The following EYA1 variants were observed in gnomAD, a reference collection of about 807,000 sequenced individuals.
The protein encoded by EYA1 is protein phosphatase EYA1.
A neutral mutation model predicts 82.0 loss-of-function variants in EYA1; 16 were observed. The observed-to-expected ratio is 0.20, with a 90% CI of 0.13 to 0.30. EYA1 has a LOEUF of 0.30. Ranked by LOEUF, EYA1 falls within the 10% of genes least tolerant of loss-of-function variation. The pLI is 1.00. For missense variants in EYA1, 633 were observed against 730.7 expected (o/e 0.87, Z 1.54); for synonymous variants, 261 against 264.4 (o/e 0.99, Z 0.12).
At chr8:71,275,118 T>C (rs1563379476) in intron 9 of EYA1, among the ~76,000 whole-genome samples, 1 of 152,222 alleles carries the variant, frequency 6.6e-6, no homozygotes, top group East Asian at 1.9e-4. Flanking sequence ...GGCAGGGTGC[T>C]GGAGAGGAGA....
At chr8:71,491,002 G>A (rs1433628136) in intron 2 of EYA1, among the ~76,000 whole-genome samples, 15 of 151,990 alleles carry the variant, frequency 9.9e-5, no homozygotes, top group African/African-American at 3.1e-4. Flanking sequence ...TCAAGTAACT[G>A]GTGAATGAAT....
At chr8:71,239,069 C>A (rs1336590657) in intron 12 of EYA1, among the ~76,000 whole-genome samples, 1 of 151,686 alleles carries the variant, frequency 6.6e-6, no homozygotes, top group East Asian at 1.9e-4. Flanking sequence ...TTTTTAACTT[C>A]AGATAAAATA....
At position 71,408,050 on chromosome 8, in the gene EYA1, A is replaced by G. The variant is rs1010080409; in HGVS notation, c.34-51539T>C. On this transcript the variant is annotated intron_variant, in intron 2 of 18. Coordinates refer to the EYA1 transcript ENST00000643681. ...CGGCAGAAACCCTACAAGCCAGAAG[A>G]GAGTGGGGGCCAATATTCAACATGC... is the stretch of plus-strand genomic sequence containing the variant. Among the ~76,000 whole-genome samples, 290 of 152,114 alleles carry G rather than the reference A, an allele frequency of 1.9e-3. 1 individual carries two copies. Among genetic ancestry groups the G allele is most frequent in the Non-Finnish European group, 3.2e-3 (215 of 67,996 alleles).
chr8:71,374,370 G>A lies in EYA1; in HGVS notation c.34-17859C>T, dbSNP rs183627677. The stretch of plus-strand genomic sequence containing the variant: ...AAACAGACATACAAATGGCCAACAT[G>A]TATATAAAAAGATAATCAACATCAC... On this transcript the variant is annotated intron_variant, in intron 2 of 18. Coordinates refer to the EYA1 transcript ENST00000643681. Among the ~76,000 whole-genome samples, 405 of 152,172 alleles carry A rather than the reference G, an allele frequency of 2.7e-3. 4 individuals carry two copies. In the Middle Eastern group the frequency reaches 0.031, roughly 12 times the overall value.
intron 2 of EYA1, among the ~76,000 whole-genome samples, chr8:71,406,796 G>T (rs1830265389): frequency 1.4e-5 from 2 of 147,476 alleles, no homozygotes; most frequent in South Asian, 2.2e-4. Context: ...GAGGCTGGGG[G>T]AGGGGCGCCC....
chr8:71,437,169 A>T (rs1806074723), intron 2 of EYA1, among the ~76,000 whole-genome samples: 1 of 151,286 alleles, frequency 6.6e-6, no homozygotes, highest in African/African-American at 2.4e-5. Context: ...GTGTATATTA[A>T]GCCACCAAAT....
intron 3 of EYA1, among the ~76,000 whole-genome samples, chr8:71,352,263 G>A (rs1175976203): frequency 1.3e-5 from 2 of 152,082 alleles, no homozygotes; most frequent in African/African-American, 2.4e-5. Context: ...CTCCTCTAGT[G>A]GTGACAGAGA....
intron 4 of EYA1, among the ~76,000 whole-genome samples, chr8:71,324,634 TTACATATA>T (rs1822945771): frequency 6.6e-6 from 1 of 152,224 alleles, no homozygotes; most frequent in Non-Finnish European, 1.5e-5. Context: ...TGTTTCCATT[TTACATATA>T]AGGAACTAAG....
chr8:71,495,817 C>A lies in EYA1; in HGVS notation c.33+39927G>T, dbSNP rs1811370271. Reference sequence around the variant, plus strand: ...GCAATTAGCAGATATGAGTGGTCTCCCTGGGTGAAAAGGTAATGTCTTACA... The same window carrying A: ...GCAATTAGCAGATATGAGTGGTCTCACTGGGTGAAAAGGTAATGTCTTACA... On this transcript the variant is annotated intron_variant, in intron 2 of 18. Coordinates refer to the EYA1 transcript ENST00000643681. Among the ~76,000 whole-genome samples the A allele has an allele frequency of 2.0e-5, 3 of 152,056 alleles. No individual in the cohort carries two copies. The South Asian group carries it at 6.2e-4, about 32-fold the overall frequency.
At chr8:71,535,701 A>C (rs963057776) in intron 2 of EYA1, 9 of 1,402,774 alleles carry the variant, frequency 6.4e-6, no homozygotes, top group Middle Eastern at 1.8e-4. Context: ...ATGATTTTAA[A>C]AGTAATAATT....
At chr8:71,383,970 G>A (rs1442644059) in intron 2 of EYA1, among the ~76,000 whole-genome samples, 1 of 151,656 alleles carries the variant, frequency 6.6e-6, no homozygotes, top group Non-Finnish European at 1.5e-5. Context: ...TTACAGTGAA[G>A]TAATATTCAC....
intron 12 of EYA1, among the ~76,000 whole-genome samples, chr8:71,244,211 C>T (rs1210613911): frequency 2.0e-5 from 3 of 152,072 alleles, no homozygotes; most frequent in African/African-American, 4.8e-5. Flanking sequence ...AGTAAAGCAT[C>T]GGTCCTAATA....
At chr8:71,293,265 T>A (rs1330384666) in intron 9 of EYA1, among the ~76,000 whole-genome samples, 1 of 152,144 alleles carries the variant, frequency 6.6e-6, no homozygotes, top group Non-Finnish European at 1.5e-5. Flanking sequence ...AATAGGTCTG[T>A]ACCTATTAAA....
intron 17 of EYA1, among the ~76,000 whole-genome samples, chr8:71,201,994 C>T (rs1386724980): frequency 6.6e-6 from 1 of 152,142 alleles, no homozygotes; most frequent in African/African-American, 2.4e-5. Context: ...ATGCTGAAAG[C>T]TCTTCAGATA....
At chr8:71,505,892 TG>T (rs71555585) in intron 2 of EYA1, among the ~76,000 whole-genome samples, 1 of 152,094 alleles carries the variant, frequency 6.6e-6, no homozygotes, top group African/African-American at 2.4e-5. Flanking sequence ...GATTAGATAA[TG>T]GGGGTGGTTT....
intron 12 of EYA1, among the ~76,000 whole-genome samples, chr8:71,217,935 T>C (rs1022487472): frequency 3.3e-5 from 5 of 152,088 alleles, no homozygotes; most frequent in African/African-American, 4.8e-5. Flanking sequence ...CCCAGATGAA[T>C]TGTGGGAAGA....
At chr8:71,255,559 G>A (rs1204615727) in intron 11 of EYA1, among the ~76,000 whole-genome samples, 1 of 152,100 alleles carries the variant, frequency 6.6e-6, no homozygotes, top group African/African-American at 2.4e-5. Flanking sequence ...AAAATTCAAG[G>A]TAAATCGTTA....
At position 71,221,658 on chromosome 8, in the gene EYA1, C is replaced by T. The variant is rs1025945733; in HGVS notation, c.1141-4635G>A. Among the ~76,000 whole-genome samples the T allele has an allele frequency of 3.9e-5, 6 of 152,240 alleles. No homozygotes were observed. The East Asian group carries it at 5.8e-4, about 15-fold the overall frequency. On this transcript the variant is annotated intron_variant, in intron 12 of 17. Transcript: ENST00000340726. ...GCTCTTCGCCACCCACTAGGAATGT[C>T]GGGTGATGGTCTGGCAATTATCACA...
intron 2 of EYA1, among the ~76,000 whole-genome samples, chr8:71,481,841 G>A (rs533359782): frequency 1.1e-3 from 162 of 152,172 alleles, no homozygotes; most frequent in African/African-American, 3.7e-3. Flanking sequence ...AGGAGCAGGA[G>A]GAGGAGGAGG....
Sources: gnomAD v4.1 joint callset for allele counts (sites outside exome capture counted in the v4.1 genomes callset) on GRCh38, gnomAD v4.1.1 for gene constraint, MANE v1.5 for transcripts, NCBI Gene and HGNC (gene_info 2026-07-23, HGNC 2026-07-21) for gene names.